VPS37C: variants seen among roughly 807,000 people sequenced by gnomAD.
VPS37C encodes the protein VPS37C subunit of ESCRT-I.
VPS37C carries 9 observed loss-of-function variants against 16.1 expected under a neutral mutation model. The observed-to-expected ratio is 0.56, with a 90% confidence interval of 0.34 to 0.97. VPS37C has a LOEUF of 0.97. Ranked by LOEUF, VPS37C falls within the 50% of genes least tolerant of loss-of-function variation. The pLI is 0.02. For synonymous variants in VPS37C, 207 were observed against 206.4 expected, an observed-to-expected ratio of 1.00 and a Z score of -0.02; for missense variants, 479 against 472.7, an observed-to-expected ratio of 1.01 and a Z score of -0.12.
rs750502433 is a variant in VPS37C at position 61,133,280 on chromosome 11, C to T, written c.323G>A (p.Gly108Asp). 5.6e-6 allele frequency: 9 copies of T among 1,614,190 alleles called. No individual in the cohort carries two copies. The South Asian group carries it at 7.7e-5, about 14-fold the overall frequency. ...CTCGGACTCTTCTTCGATCTTCATG[C>T]CTTCCACCTGCAGAAGGTCTAACAA... ...GTLLDLLQVE[G>D]MKIEEESEAM... The change falls in exon 4 of 5, where the codon GGC (glycine) becomes GAC (aspartate). Residue 108 changes from glycine (G) to aspartate (D), a missense_variant. By Grantham distance (94) the Gly-to-Asp change is moderately conservative. Coordinates refer to ENST00000301765, the MANE Select transcript of VPS37C (RefSeq NM_017966.5).
At chr11:61,137,597 G>T (rs1004445035) in intron 2 of VPS37C, among the ~76,000 whole-genome samples, 1 of 152,214 alleles carries the variant, frequency 6.6e-6, no homozygotes, top group African/African-American at 2.4e-5. Flanking sequence ...CCCAGCACCA[G>T]GCTGGGCAGG....
chr11:61,159,128 T>C (rs1313473843), intron 1 of VPS37C, among the ~76,000 whole-genome samples: 1 of 152,234 alleles, frequency 6.6e-6, no homozygotes, highest in Non-Finnish European at 1.5e-5. Flanking sequence ...AAATGATTCA[T>C]ATGGCTAGTT....
intron 1 of VPS37C, among the ~76,000 whole-genome samples, chr11:61,156,752 C>T (rs1481283281): frequency 1.3e-5 from 2 of 152,120 alleles, no homozygotes; most frequent in Non-Finnish European, 2.9e-5. Context: ...CAAAATTTAC[C>T]ATTTTAATCA....
At position 61,134,222 on chromosome 11, in the gene VPS37C, C is replaced by T. The variant is rs201650840; in HGVS notation, c.94-15G>A. 1 of 1,600,612 alleles carries T rather than the reference C, an allele frequency of 6.2e-7. No homozygotes were observed. The highest frequency in any genetic ancestry group is 1.7e-4 in the Middle Eastern group (1 of 6,024). On this transcript the variant is annotated splice_polypyrimidine_tract_variant and intron_variant, in intron 2 of 4. Transcript: ENST00000301765. ...AGGTCCTGGACCTAAAAGGGCAGGA[C>T]AACAGAACCTAAGGAAAACGTCCAT...
intron 1 of VPS37C, among the ~76,000 whole-genome samples, chr11:61,148,410 T>C (rs1853248449): frequency 1.3e-5 from 2 of 152,172 alleles, no homozygotes; most frequent in Non-Finnish European, 2.9e-5. Flanking sequence ...ACTGGCCCCA[T>C]CTTACCCCGT....
At chr11:61,146,052 A>G (rs1385915820) in intron 1 of VPS37C, among the ~76,000 whole-genome samples, 1 of 152,270 alleles carries the variant, frequency 6.6e-6, no homozygotes, top group Non-Finnish European at 1.5e-5. Flanking sequence ...ACCCAAGCCC[A>G]GCAGACTGGC....
chr11:61,135,863 C>T (rs10792303), intron 2 of VPS37C, among the ~76,000 whole-genome samples: 86,667 of 152,130 alleles, frequency 0.57, 25,525 homozygotes, highest in East Asian at 0.99. Flanking sequence ...CTTTTCCCTG[C>T]GTCTAAACCA....
At chr11:61,143,338 A>ACT (rs1259849602) in intron 1 of VPS37C, 2 of 147,200 alleles carry the variant, frequency 1.4e-5, no homozygotes, top group African/African-American at 2.5e-5. Flanking sequence ...CAGACCTAGA[A>ACT]CTCTAGAATC....
intron 1 of VPS37C, among the ~76,000 whole-genome samples, chr11:61,150,793 G>A (rs1364388397): frequency 2.6e-5 from 4 of 151,840 alleles, no homozygotes; most frequent in African/African-American, 9.7e-5. Flanking sequence ...GTGATGTCTT[G>A]CCAGCAGCGT....
At chr11:61,137,584 G>A (rs1300332160) in intron 2 of VPS37C, among the ~76,000 whole-genome samples, 1 of 152,222 alleles carries the variant, frequency 6.6e-6, no homozygotes, top group Admixed American at 6.5e-5. Context: ...GAGCTGCACT[G>A]TGCCCAGCAC....
At chr11:61,160,425 C>T (rs2134663711) in intron 1 of VPS37C, among the ~76,000 whole-genome samples, 1 of 152,298 alleles carries the variant, frequency 6.6e-6, no homozygotes, top group Middle Eastern at 3.4e-3. Flanking sequence ...AGTCACAGAA[C>T]TGAGAGTCTG....
At chr11:61,149,069 C>T (rs914872846) in intron 1 of VPS37C, among the ~76,000 whole-genome samples, 1 of 152,214 alleles carries the variant, frequency 6.6e-6, no homozygotes, top group Non-Finnish European at 1.5e-5. Flanking sequence ...ACCACGAGGT[C>T]AGGAGATCAA....
chr11:61,139,240 G>GTGTC (rs1861432340), intron 1 of VPS37C, among the ~76,000 whole-genome samples: 1 of 152,158 alleles, frequency 6.6e-6, no homozygotes, highest in Admixed American at 6.5e-5. Flanking sequence ...CCTCTGGTAG[G>GTGTC]TGTCTATTTC....
At chr11:61,139,866 C>T (rs1283419708) in intron 1 of VPS37C, among the ~76,000 whole-genome samples, 2 of 151,928 alleles carry the variant, frequency 1.3e-5, no homozygotes, top group Middle Eastern at 3.2e-3. Context: ...ACCTCAACCT[C>T]CCGATAGCTG....
In VPS37C at chr11:61,131,812, G is replaced by C; in HGVS notation, c.*8C>G. 1.6e-6 allele frequency: 2 copies of C among 1,254,494 alleles called. No homozygotes were observed. Among genetic ancestry groups the C allele is most frequent in the Non-Finnish European group, 2.0e-6 (2 of 995,498 alleles). 77.7% of individuals were successfully genotyped at this position (1,254,494 alleles called of 1,614,324 possible). ...GGACTAGGGAGGGGCCGAGGGCCAG[G>C]AGTGTGTCTAATACCCAGGCCAGGC... On this transcript the variant is annotated 3_prime_UTR_variant, in exon 5 of 5. Coordinates refer to ENST00000301765, the MANE Select transcript of VPS37C (RefSeq NM_017966.5).
intron 1 of VPS37C, among the ~76,000 whole-genome samples, chr11:61,141,050 T>C (rs924995022): frequency 4.6e-5 from 7 of 152,026 alleles, no homozygotes; most frequent in Non-Finnish European, 8.8e-5. Context: ...GTAAAAATTG[T>C]AAAATGAAAT....
intron 2 of VPS37C, 78 bp downstream of exon 2, chr11:61,138,659 G>A (rs534951397): frequency 7.2e-7 from 1 of 1,391,560 alleles, no homozygotes; most frequent in South Asian, 1.2e-5. Flanking sequence ...CTTCCAATAA[G>A]CCAGCATCCT....
Position 61,134,032 on chromosome 11 carries a change from C to A in VPS37C, c.265+4G>T. ...ACCCTGAGTTCACAGAGGAGCCACC[C>A]TACCCAGCTTTGCCTTCTGCTCCTG... On this transcript the variant is annotated splice_donor_region_variant and intron_variant, in intron 3 of 4. Transcript: ENST00000301765. The A allele has an allele frequency of 6.2e-7, 1 of 1,607,848 alleles. No individual in the cohort carries two copies.
rs1332038692 is a variant in VPS37C, at chr11:61,159,739, TA to T, written c.-7+1651del. Among the ~76,000 whole-genome samples, 684 of 135,652 alleles carry T rather than the reference TA, an allele frequency of 5.0e-3. 17 individuals carry two copies. Among genetic ancestry groups the T allele is most frequent in the East Asian group, 0.046 (226 of 4,926 alleles). The allele number at this position is 135,652 out of a possible 152,430, so 89.0% of individuals were successfully genotyped here. A position where few individuals can be genotyped will look rare whatever the true frequency, so the allele number is the denominator to read the frequency against. On this transcript the variant is annotated intron_variant, in intron 1 of 4. Transcript: ENST00000301765. ...AAAAAAAAATAAATAAATAAATAAA[TA>T]AAAAATACAAAAATTAGCCGGGCGT...
Sources: gnomAD v4.1 joint callset for allele counts (sites outside exome capture counted in the v4.1 genomes callset) on GRCh38, gnomAD v4.1.1 for gene constraint, MANE v1.5 for transcripts, NCBI Gene and HGNC (gene_info 2026-07-23, HGNC 2026-07-21) for gene names.